Variants in FMN1 observed in about 807,000 individuals in gnomAD.
FMN1 encodes the protein formin 1, also known as formin-1.
A neutral mutation model predicts 132.4 loss-of-function variants in FMN1; 110 were observed. The ratio of observed to expected loss-of-function variants is 0.83; its 90% confidence interval spans 0.71 to 0.97. The LOEUF is 0.97. Ranked by LOEUF, FMN1 falls within the 50% of genes least tolerant of loss-of-function variation. The pLI is 0.00. For missense variants in FMN1, 1,792 were observed against 1,705.3 expected (o/e 1.05, Z -0.90); for synonymous variants, 722 against 651.7 (o/e 1.11, Z -1.64).
chr15:32,876,413 G>A (rs1209162432), intron 16 of FMN1, among the ~76,000 whole-genome samples: 1 of 152,152 alleles, frequency 6.6e-6, no homozygotes, highest in Admixed American at 6.5e-5. Context: ...TCCTGGAACA[G>A]AAAGGGGACA....
rs138453455 is a variant in FMN1 at position 33,055,026 on chromosome 15, A to C, written c.2161+9931T>G. Among the ~76,000 whole-genome samples the C allele has an allele frequency of 6.9e-3, 1,057 of 152,294 alleles. 14 individuals are homozygous for C. The highest frequency in any genetic ancestry group is 0.024 in the African/African-American group (1,004 of 41,558). On this transcript the variant is annotated intron_variant, in intron 6 of 20. Transcript: ENST00000616417. ...CCTCAGCCACAGCACTCAAAAATTT[A>C]ACCTGAACAACTAGTTCAGGCCATG... is the stretch of plus-strand genomic sequence containing the variant.
chr15:33,080,524 G>A (rs371870120), intron 5 of FMN1, among the ~76,000 whole-genome samples: 150 of 152,302 alleles, frequency 9.8e-4, no homozygotes, highest in African/African-American at 3.2e-3. Context: ...AGGCCAAGGC[G>A]GACGGATCAC....
At chr15:32,824,592 G>T (rs1035741139) in intron 17 of FMN1, among the ~76,000 whole-genome samples, 3 of 151,952 alleles carry the variant, frequency 2.0e-5, no homozygotes, top group African/African-American at 7.3e-5. Context: ...CCGCTCTCTA[G>T]ACTCTTTTCT....
intron 16 of FMN1, among the ~76,000 whole-genome samples, chr15:32,880,732 TC>T (rs1410510252): frequency 1.3e-5 from 2 of 152,212 alleles, no homozygotes; most frequent in Non-Finnish European, 2.9e-5. Context: ...TAATTTTTCT[TC>T]AGAATCCTGA....
At chr15:33,059,776 T>C (rs1049192542) in intron 6 of FMN1, among the ~76,000 whole-genome samples, 1 of 152,236 alleles carries the variant, frequency 6.6e-6, no homozygotes, top group Non-Finnish European at 1.5e-5. Context: ...TGTTTGCAGC[T>C]CTCAGTTTTT....
intron 9 of FMN1, among the ~76,000 whole-genome samples, chr15:32,950,054 C>CACACATATATATATACACACACAT (rs1251606636): frequency 2.0e-4 from 1 of 4,916 alleles, no homozygotes; most frequent in African/African-American, 4.3e-4. Context: ...TATATATACA[C>CACACATATATATATACACACACAT]ATATATATAT....
At chr15:33,126,256 G>C (rs74008219) in intron 4 of FMN1, among the ~76,000 whole-genome samples, 25 of 152,144 alleles carry the variant, frequency 1.6e-4, no homozygotes, top group Admixed American at 1.4e-3. Flanking sequence ...AAGATGGGTG[G>C]AAAGATCAAG....
intron 6 of FMN1, among the ~76,000 whole-genome samples, chr15:33,030,967 C>T (rs1312564225): frequency 6.6e-6 from 1 of 151,684 alleles, no homozygotes; most frequent in African/African-American, 2.4e-5. Flanking sequence ...TGCTGTCCCT[C>T]CCCTAGCTCC....
At chr15:32,981,017 A>G (rs2032611338) in intron 7 of FMN1, among the ~76,000 whole-genome samples, 1 of 151,642 alleles carries the variant, frequency 6.6e-6, no homozygotes, top group African/African-American at 2.4e-5. Flanking sequence ...GTGTCTCAAA[A>G]AAGAATGAAA....
chr15:33,159,109 G>A lies in FMN1; in HGVS notation c.-131-4064C>T, dbSNP rs1030914849. ...AGGCATAAGAATTGCTTCAACCCAG[G>A]AGATCTAGGCTGCAGTGAGCCGAGA... is the stretch of plus-strand genomic sequence containing the variant. On this transcript the variant is annotated intron_variant, in intron 3 of 20. Coordinates refer to ENST00000616417, the MANE Select transcript of FMN1 (RefSeq NM_001277313.2). Among the ~76,000 whole-genome samples, 15 of 152,338 alleles carry A rather than the reference G, an allele frequency of 9.8e-5. No individual in the cohort carries two copies. In the East Asian group the frequency reaches 1.5e-3, roughly 16 times the overall value.
chr15:33,041,613 A>C (rs1438049281), intron 6 of FMN1, among the ~76,000 whole-genome samples: 1 of 152,178 alleles, frequency 6.6e-6, no homozygotes, highest in African/African-American at 2.4e-5. Flanking sequence ...TAAGCAAATG[A>C]AAAGATGCTC....
chr15:33,190,776 C>T (rs1196287052), intron 2 of FMN1, among the ~76,000 whole-genome samples: 1 of 152,156 alleles, frequency 6.6e-6, no homozygotes, highest in Non-Finnish European at 1.5e-5. Context: ...GTGTCTCCTG[C>T]CCCACTTTTA....
intron 6 of FMN1, among the ~76,000 whole-genome samples, chr15:33,042,065 G>A (rs1041567956): frequency 2.0e-5 from 3 of 151,994 alleles, no homozygotes; most frequent in Non-Finnish European, 4.4e-5. Flanking sequence ...CCATTGAAAA[G>A]CTAGAACTAA....
Position 32,773,298 on chromosome 15 carries a change from C to G in FMN1, c.*1012G>C, listed in dbSNP as rs970357224. On this transcript the variant is annotated 3_prime_UTR_variant, in exon 21 of 21. Transcript: ENST00000616417. ...TCATCCTACTTCACATGCCTATCAGCCAAGGTCATGAGCAGGTGCTGTGAG... is the reference window on the plus strand; with the variant it reads ...TCATCCTACTTCACATGCCTATCAGGCAAGGTCATGAGCAGGTGCTGTGAG... The G allele has an allele frequency of 6.6e-6, 1 of 152,130 alleles. No individual in the cohort carries two copies. Among genetic ancestry groups the G allele is most frequent in the Non-Finnish European group, 1.5e-5 (1 of 68,046 alleles). 9.4% of individuals were successfully genotyped at this position (152,130 alleles called of 1,614,324 possible).
rs189981857 is a variant in FMN1, at chr15:32,902,061, C to T, written c.3378-21G>A. On this transcript the variant is annotated intron_variant, in intron 12 of 20. Coordinates refer to ENST00000616417, the MANE Select transcript of FMN1 (RefSeq NM_001277313.2). ...AAAATCTGTAAAAAAGAAAATGTGTCATCTACCTTCACATATAATCACAAG... is the reference window on the plus strand; with the variant it reads ...AAAATCTGTAAAAAAGAAAATGTGTTATCTACCTTCACATATAATCACAAG... The T allele has an allele frequency of 2.6e-3, 4,151 of 1,598,596 alleles. 8 individuals carry two copies. The highest frequency in any genetic ancestry group is 3.4e-3 in the Admixed American group (194 of 57,646).
intron 9 of FMN1, among the ~76,000 whole-genome samples, chr15:32,956,523 G>A (rs1304144592): frequency 6.6e-6 from 1 of 152,018 alleles, no homozygotes; most frequent in Non-Finnish European, 1.5e-5. Flanking sequence ...TCCTTAAACT[G>A]AAGAACAGGA....
chr15:33,180,207 C>T lies in FMN1; in HGVS notation c.-141G>A, dbSNP rs1184078221. 1.3e-5 allele frequency: 2 copies of T among 151,914 alleles called. No homozygotes were observed. Among genetic ancestry groups the T allele is most frequent in the African/African-American group, 4.8e-5 (2 of 41,294 alleles). 9.4% of individuals were successfully genotyped at this position (151,914 alleles called of 1,614,324 possible). A position where few individuals can be genotyped will look rare whatever the true frequency, so the allele number is the denominator to read the frequency against. Reference sequence around the variant, plus strand: ...TAGTCCACCTTCTTACCTAGATCAGCCTTCGCTTGGGCAGGGTCCAGATGC... The same window carrying T: ...TAGTCCACCTTCTTACCTAGATCAGTCTTCGCTTGGGCAGGGTCCAGATGC... On this transcript the variant is annotated 5_prime_UTR_variant, in exon 3 of 21. Transcript: ENST00000616417.
At chr15:33,042,695 A>G (rs1328506296) in intron 6 of FMN1, among the ~76,000 whole-genome samples, 2 of 152,210 alleles carry the variant, frequency 1.3e-5, no homozygotes, top group African/African-American at 2.4e-5. Context: ...TGGGAAAAAC[A>G]AAACTGATAA....
intron 19 of FMN1, among the ~76,000 whole-genome samples, chr15:32,788,683 G>A (rs1318323888): frequency 2.6e-5 from 4 of 152,220 alleles, no homozygotes; most frequent in African/African-American, 9.6e-5. Context: ...GCTGAATGAA[G>A]GAGACATACT....
Sources: gnomAD v4.1 joint callset for allele counts (sites outside exome capture counted in the v4.1 genomes callset) on GRCh38, gnomAD v4.1.1 for gene constraint, MANE v1.5 for transcripts, NCBI Gene and HGNC (gene_info 2026-07-23, HGNC 2026-07-21) for gene names.